The following NXPH1 variants were observed in gnomAD, a reference collection of about 807,000 sequenced individuals.
The protein encoded by NXPH1 is neurexophilin 1, also known as neurexophilin-1.
Under a neutral mutation model 23.7 loss-of-function variants are expected in NXPH1, and 5 were observed. That is an observed-to-expected ratio of 0.21 (90% CI 0.11 to 0.44). The LOEUF (loss-of-function observed/expected upper bound fraction) is 0.44. NXPH1 is among the 20% of genes least tolerant of loss of function. NXPH1 has a pLI of 0.99. For missense variants in NXPH1, 324 were observed against 321.6 expected, an observed-to-expected ratio of 1.01 and a Z score of -0.06; for synonymous variants, 144 against 122.2, an observed-to-expected ratio of 1.18 and a Z score of -1.18.
intron 2 of NXPH1, among the ~76,000 whole-genome samples, chr7:8,635,088 C>G (rs1314369980): frequency 6.6e-6 from 1 of 152,094 alleles, no homozygotes; most frequent in African/African-American, 2.4e-5. Context: ...GAGATCTTAC[C>G]TGTCTGAAGT....
chr7:8,572,226 T>C (rs1173869067), intron 2 of NXPH1, among the ~76,000 whole-genome samples: 1 of 152,034 alleles, frequency 6.6e-6, no homozygotes, highest in Non-Finnish European at 1.5e-5. Context: ...TCCAATGCCC[T>C]AATTATATTA....
intron 2 of NXPH1, among the ~76,000 whole-genome samples, chr7:8,682,146 G>A (rs546679180): frequency 6.6e-6 from 1 of 152,150 alleles, no homozygotes; most frequent in Non-Finnish European, 1.5e-5. Flanking sequence ...CAAGGGAGGG[G>A]CCGAGCAGGC....
chr7:8,683,373 G>A (rs910995411), intron 2 of NXPH1, among the ~76,000 whole-genome samples: 1 of 152,108 alleles, frequency 6.6e-6, no homozygotes, highest in Non-Finnish European at 1.5e-5. Flanking sequence ...TACACTGGCT[G>A]AATTGCACAA....
rs200560728 is a variant in NXPH1, at chr7:8,514,736, A to G, written c.54+78969A>G. 3.4e-4 allele frequency among the ~76,000 whole-genome samples: 52 copies of G among 152,216 alleles called. 1 individual carries two copies. In the East Asian group the frequency reaches 9.3e-3, roughly 27 times the overall value. ...AAACAGACACTGTGCAAGACTGCAT[A>G]TTAATTTTTTAAATTGCATGCTATT... On this transcript the variant is annotated intron_variant, in intron 2 of 2. Transcript: ENST00000405863.
At chr7:8,679,711 G>T (rs1427449798) in intron 2 of NXPH1, among the ~76,000 whole-genome samples, 2 of 152,198 alleles carry the variant, frequency 1.3e-5, no homozygotes, top group African/African-American at 4.8e-5. Context: ...AAGTCTATTT[G>T]TTGCACTCTC....
At chr7:8,682,451 TTTTAATA>T (rs1368296435) in intron 2 of NXPH1, among the ~76,000 whole-genome samples, 1 of 152,194 alleles carries the variant, frequency 6.6e-6, no homozygotes, top group Non-Finnish European at 1.5e-5. Flanking sequence ...AATGATTATA[TTTTAATA>T]TTTAATAAAG....
At position 8,544,336 on chromosome 7, in the gene NXPH1, G is replaced by A. The variant is rs753345785; in HGVS notation, c.54+108569G>A. On this transcript the variant is annotated intron_variant, in intron 2 of 2. Transcript: ENST00000405863. ...CCTCTAATCCCTCACTCATTGCCAGGAGCACCCTCCTACCACGATTGTGTC... is the reference window on the plus strand; with the variant it reads ...CCTCTAATCCCTCACTCATTGCCAGAAGCACCCTCCTACCACGATTGTGTC... Among the ~76,000 whole-genome samples, 25 of 151,490 alleles carry A rather than the reference G, an allele frequency of 1.7e-4. 1 individual carries two copies. The highest frequency in any genetic ancestry group is 3.3e-4 in the Non-Finnish European group (22 of 67,674).
chr7:8,463,436 T>C (rs1166715734), intron 2 of NXPH1, among the ~76,000 whole-genome samples: 2 of 152,140 alleles, frequency 1.3e-5, no homozygotes, highest in Non-Finnish European at 2.9e-5. Context: ...CACTCTTTCA[T>C]GTGCAGTTAT....
chr7:8,461,694 G>A (rs1816697911), intron 2 of NXPH1, among the ~76,000 whole-genome samples: 1 of 150,718 alleles, frequency 6.6e-6, no homozygotes, highest in Admixed American at 6.6e-5. Context: ...GCCGGGCGCG[G>A]TGGCGGGCGC....
intron 2 of NXPH1, among the ~76,000 whole-genome samples, chr7:8,479,360 T>A (rs536099600): frequency 6.6e-6 from 1 of 152,184 alleles, no homozygotes; most frequent in Non-Finnish European, 1.5e-5. Context: ...GATTTTCTAA[T>A]TCTGTCATTC....
chr7:8,519,777 A>G (rs1817740585), intron 2 of NXPH1, among the ~76,000 whole-genome samples: 2 of 152,196 alleles, frequency 1.3e-5, no homozygotes, highest in African/African-American at 4.8e-5. Flanking sequence ...ACAAAAGCTT[A>G]TTGAATTCAC....
intron 2 of NXPH1, among the ~76,000 whole-genome samples, chr7:8,498,831 AG>A (rs1363160632): frequency 2.6e-5 from 4 of 152,212 alleles, no homozygotes; most frequent in African/African-American, 9.6e-5. Flanking sequence ...GACCTAGGAA[AG>A]GGAAATGTGA....
At chr7:8,460,596 T>C (rs1376589013) in intron 2 of NXPH1, among the ~76,000 whole-genome samples, 2 of 152,348 alleles carry the variant, frequency 1.3e-5, no homozygotes, top group East Asian at 3.9e-4. Context: ...ACATTTTGCA[T>C]TGACCATTGG....
rs77122818 is a variant in NXPH1 at position 8,442,648 on chromosome 7, A to G, written c.54+6881A>G. On this transcript the variant is annotated intron_variant, in intron 2 of 2. Transcript: ENST00000405863. The surrounding 1 kb of genome is among the most constrained non-coding windows in gnomAD (Gnocchi z 4.6). ...CCTTCGGAAACTCAGTCCGCTGACC[A>G]AAGCCGCAGTGTTCAGGCCCCGGGG... Among the ~76,000 whole-genome samples the G allele has an allele frequency of 0.038, 5,847 of 152,342 alleles. 139 individuals carry two copies. The highest frequency in any genetic ancestry group is 0.055 in the Non-Finnish European group (3,749 of 68,024).
intron 2 of NXPH1, among the ~76,000 whole-genome samples, chr7:8,735,350 A>T (rs965712286): frequency 7.9e-5 from 12 of 152,090 alleles, no homozygotes; most frequent in Admixed American, 1.3e-4. Context: ...TTCTAGCATG[A>T]AGGGTTGAGT....
chr7:8,741,214 C>T (rs1012422185), intron 2 of NXPH1, among the ~76,000 whole-genome samples: 4 of 152,270 alleles, frequency 2.6e-5, no homozygotes, highest in African/African-American at 9.6e-5. Context: ...CTACAAATGA[C>T]AGGATTTCCT....
intron 2 of NXPH1, among the ~76,000 whole-genome samples, chr7:8,436,224 G>A (rs997901089): frequency 3.3e-5 from 5 of 152,190 alleles, no homozygotes; most frequent in African/African-American, 7.2e-5. Flanking sequence ...ATTTGGAGAT[G>A]AGACACATAA....
chr7:8,470,190 G>A (rs185134590), intron 2 of NXPH1, among the ~76,000 whole-genome samples: 3 of 152,118 alleles, frequency 2.0e-5, no homozygotes, highest in African/African-American at 7.2e-5. Context: ...ACAAAGAAAA[G>A]TCTATTTCCC....
intron 2 of NXPH1, among the ~76,000 whole-genome samples, chr7:8,521,067 T>A (rs1817763315): frequency 6.6e-6 from 1 of 152,156 alleles, no homozygotes; most frequent in South Asian, 2.1e-4. Flanking sequence ...TCTGTCAGTT[T>A]TCAGATTAAA....
Sources: allele counts gnomAD v4.1 joint callset (sites outside exome capture counted in the v4.1 genomes callset), GRCh38; gene constraint gnomAD v4.1.1; non-coding constraint Gnocchi (gnomAD v3.1); transcripts MANE v1.5; gene names NCBI Gene and HGNC (gene_info 2026-07-23, HGNC 2026-07-21).